CLASP1: variants seen among roughly 807,000 people sequenced by gnomAD.
CLASP1 encodes CLIP-associating protein 1.
In CLASP1, 38 loss-of-function variants were observed where a neutral mutation model predicts 192.3. That is an observed-to-expected ratio of 0.20 (90% confidence interval 0.15 to 0.26). The LOEUF (loss-of-function observed/expected upper bound fraction) is 0.26, where lower values mean the gene tolerates loss of function less well. CLASP1 is among the 10% of genes least tolerant of loss of function. The pLI, the probability that CLASP1 is intolerant of heterozygous loss-of-function variation, is 1.00. For synonymous variants in CLASP1, 691 were observed against 712.8 expected (o/e 0.97, Z 0.49); for missense variants, 1,433 against 1,932.5 (o/e 0.74, Z 4.85).
intron 7 of CLASP1, 77 bp from the exon 8 acceptor site, chr2:121,503,311 G>T: frequency 1.2e-6 from 1 of 837,422 alleles, no homozygotes; most frequent in Non-Finnish European, 2.0e-6. Context: ...CTAATGTGAA[G>T]TTGATCCCCA....
At chr2:121,567,458 C>T (rs1235684590) in intron 2 of CLASP1, among the ~76,000 whole-genome samples, 1 of 152,230 alleles carries the variant, frequency 6.6e-6, no homozygotes, top group Non-Finnish European at 1.5e-5. Context: ...CCAAATCCTG[C>T]CTATCTTATA....
chr2:121,555,996 T>A (rs1314738118), intron 2 of CLASP1, among the ~76,000 whole-genome samples: 1 of 97,440 alleles, frequency 1.0e-5, no homozygotes, highest in Admixed American at 1.0e-4. Context: ...CGCTTTTTTT[T>A]TTTTTTTTTT....
intron 7 of CLASP1, among the ~76,000 whole-genome samples, chr2:121,512,807 G>A (rs547226403): frequency 3.7e-4 from 57 of 152,250 alleles, no homozygotes; most frequent in African/African-American, 1.1e-3. Flanking sequence ...TCCTCACCAC[G>A]TATTTCTTAG....
At chr2:121,634,758 A>G (rs2106269303) in intron 1 of CLASP1, among the ~76,000 whole-genome samples, 2 of 151,764 alleles carry the variant, frequency 1.3e-5, no homozygotes, top group Middle Eastern at 6.8e-3. Flanking sequence ...CAGTAAGCCC[A>G]GACAGCTCAT....
intron 2 of CLASP1, among the ~76,000 whole-genome samples, chr2:121,534,407 A>G (rs573415895): frequency 4.3e-4 from 65 of 152,366 alleles, no homozygotes; most frequent in Non-Finnish European, 7.2e-4. Context: ...ACATCAGATT[A>G]AAGTGAGGTT....
intron 6 of CLASP1, among the ~76,000 whole-genome samples, chr2:121,519,646 A>G (rs1354930782): frequency 6.6e-6 from 1 of 152,262 alleles, no homozygotes; most frequent in Non-Finnish European, 1.5e-5. Context: ...GTTTGTATCT[A>G]TAAAGCAATC....
chr2:121,462,547 A>T, exon 10 of CLASP1: 1 of 1,590,244 alleles, frequency 6.3e-7, no homozygotes, highest in South Asian at 1.1e-5. Flanking sequence ...CTACAGGTAC[A>T]TCATCAAATG....
intron 2 of CLASP1, chr2:121,531,042 ACAG>A (rs1304251198): frequency 1.4e-6 from 1 of 698,744 alleles, no homozygotes; most frequent in African/African-American, 1.8e-5. Context: ...ATCAGTTCAA[ACAG>A]CAGTAATTCG....
chr2:121,619,477 AT>A (rs1448732134), intron 1 of CLASP1, among the ~76,000 whole-genome samples: 3 of 152,218 alleles, frequency 2.0e-5, no homozygotes, highest in African/African-American at 7.2e-5. Flanking sequence ...CAGATCAGTT[AT>A]TTCCACAAAA....
chr2:121,431,819 G>A (rs542519877), intron 19 of CLASP1, among the ~76,000 whole-genome samples: 27 of 149,418 alleles, frequency 1.8e-4, no homozygotes, highest in Admixed American at 5.3e-4. Context: ...TATTTAGAAC[G>A]TTTTTAAATT....
intron 34 of CLASP1, among the ~76,000 whole-genome samples, chr2:121,376,917 C>A (rs113693932): frequency 1.2e-3 from 185 of 152,330 alleles, no homozygotes; most frequent in African/African-American, 4.2e-3. Flanking sequence ...ACAGGGCCAA[C>A]TAGTTGCAGG....
chr2:121,610,698 A>G, intron 1 of CLASP1, among the ~76,000 whole-genome samples: 1 of 103,932 alleles, frequency 9.6e-6, no homozygotes, highest in East Asian at 3.4e-4. Context: ...AGAAAGAGGA[A>G]CTGGAGAAGG....
rs956439135 is a variant in CLASP1, at chr2:121,384,655, G to A, written c.3375-2331C>T. On this transcript the variant is annotated intron_variant, in intron 32 of 39. Coordinates refer to ENST00000263710, the Ensembl canonical transcript of CLASP1. The stretch of plus-strand genomic sequence containing the variant: ...GTGGCGGCTCATGCCTGTAATTCCA[G>A]CATGTTGGGAGGCAGAGGTGGGCGG... Among the ~76,000 whole-genome samples the A allele has an allele frequency of 2.6e-5, 4 of 152,084 alleles. 1 individual carries two copies. Among genetic ancestry groups the A allele is most frequent in the Admixed American group, 2.0e-4 (3 of 15,266 alleles).
At chr2:121,555,285 CT>C (rs1190981475) in intron 2 of CLASP1, among the ~76,000 whole-genome samples, 1 of 152,204 alleles carries the variant, frequency 6.6e-6, no homozygotes, top group African/African-American at 2.4e-5. Flanking sequence ...CGCTTCAAGC[CT>C]CATCAACTCC....
intron 8 of CLASP1, among the ~76,000 whole-genome samples, chr2:121,498,813 A>G (rs561134426): frequency 6.6e-6 from 1 of 152,368 alleles, no homozygotes; most frequent in Admixed American, 6.5e-5. Flanking sequence ...AGCACATGAA[A>G]AAGATGTTCA....
chr2:121,635,006 T>C (rs1032898216), intron 1 of CLASP1, among the ~76,000 whole-genome samples: 3 of 152,140 alleles, frequency 2.0e-5, no homozygotes, highest in Non-Finnish European at 4.4e-5. Flanking sequence ...GCATAAATCA[T>C]GCTTCCTACT....
Position 121,394,732 on chromosome 2 carries a change from T to C in CLASP1, c.3123+2408A>G, listed in dbSNP as rs2074986307. On this transcript the variant is annotated intron_variant, in intron 30 of 39. Coordinates refer to ENST00000263710, the Ensembl canonical transcript of CLASP1. ...CCTTCTCTACTAAAAATACAAAAAT[T>C]AGCCGGGCATGGTGGTATGTGCCTA... is the stretch of plus-strand genomic sequence containing the variant. 2.0e-5 allele frequency among the ~76,000 whole-genome samples: 3 copies of C among 152,106 alleles called. No individual in the cohort carries two copies. In the South Asian group the frequency reaches 6.2e-4, roughly 32 times the overall value.
In CLASP1 at chr2:121,581,750, T is replaced by C. The variant is rs140822258; in HGVS notation, c.195+23951A>G. 2.0e-5 allele frequency among the ~76,000 whole-genome samples: 3 copies of C among 152,220 alleles called. No homozygotes were observed. In the East Asian group the frequency reaches 5.8e-4, roughly 29 times the overall value. ...CAATTTTAAAATTAGCTGATCAGGGTGGCGAATGCCTATACTCCCAGCTAC... is the reference window on the plus strand; with the variant it reads ...CAATTTTAAAATTAGCTGATCAGGGCGGCGAATGCCTATACTCCCAGCTAC... On this transcript the variant is annotated intron_variant, in intron 2 of 39. Transcript: ENST00000263710.
intron 20 of CLASP1, among the ~76,000 whole-genome samples, chr2:121,429,344 C>T (rs559861740): frequency 1.3e-5 from 2 of 152,230 alleles, no homozygotes; most frequent in East Asian, 1.9e-4. Context: ...TTCCTTCCCA[C>T]GCTCACCTTG....
Sources: allele counts gnomAD v4.1 joint callset (sites outside exome capture counted in the v4.1 genomes callset), GRCh38; gene constraint gnomAD v4.1.1; transcripts MANE v1.5; gene names NCBI Gene and HGNC (gene_info 2026-07-23, HGNC 2026-07-21).